Variants in NKAIN2 observed in about 807,000 individuals in gnomAD.
NKAIN2 encodes sodium/potassium transporting ATPase interacting 2, also known as sodium/potassium-transporting ATPase subunit beta-1-interacting protein 2.
NKAIN2 carries 14 observed loss-of-function variants against 32.6 expected under a neutral mutation model. The observed-to-expected ratio is 0.43, with a 90% CI of 0.28 to 0.67. The LOEUF (loss-of-function observed/expected upper bound fraction) is 0.67, where lower values mean the gene tolerates loss of function less well. Among genes scored for constraint, NKAIN2 ranks in the 30% least tolerant of loss-of-function variants. NKAIN2 has a pLI of 0.17. For synonymous variants in NKAIN2, 80 were observed against 87.2 expected (o/e 0.92, Z 0.46); for missense variants, 198 against 258.3 (o/e 0.77, Z 1.60).
chr6:124,746,578 T>A (rs1181938699), intron 4 of NKAIN2, among the ~76,000 whole-genome samples: 1 of 151,798 alleles, frequency 6.6e-6, no homozygotes, highest in African/African-American at 2.4e-5. Flanking sequence ...GAGATCTCAG[T>A]TTTAGAGGAA....
At chr6:123,975,459 CTTT>C (rs1246462705) in intron 1 of NKAIN2, among the ~76,000 whole-genome samples, 1 of 152,114 alleles carries the variant, frequency 6.6e-6, no homozygotes, top group African/African-American at 2.4e-5. Context: ...TAAAGAAATT[CTTT>C]TTAGAAAAGT....
chr6:124,438,382 C>T (rs575423240), intron 3 of NKAIN2, among the ~76,000 whole-genome samples: 1 of 152,230 alleles, frequency 6.6e-6, no homozygotes, highest in African/African-American at 2.4e-5. Context: ...AGAAGTCACT[C>T]TGGGTAATTC....
rs1332135277 is a variant in NKAIN2, at chr6:124,544,836, A to G, written c.274-113350A>G. ...AATGAGGCAATAGACCTAACTTTTT[A>G]AAAAATGCACTTTAAATTTTAGAAC... is the stretch of plus-strand genomic sequence containing the variant. On this transcript the variant is annotated intron_variant, in intron 3 of 6. Coordinates refer to ENST00000368417, the MANE Select transcript of NKAIN2 (RefSeq NM_001040214.3). 3.9e-5 allele frequency among the ~76,000 whole-genome samples: 6 copies of G among 152,304 alleles called. No individual in the cohort carries two copies. In the South Asian group the frequency reaches 1.2e-3, roughly 32 times the overall value.
chr6:124,719,982 C>A (rs1467996967), intron 4 of NKAIN2, among the ~76,000 whole-genome samples: 1 of 152,110 alleles, frequency 6.6e-6, no homozygotes, highest in Non-Finnish European at 1.5e-5. Flanking sequence ...GCCAATCATT[C>A]CCCAAAGAGA....
intron 3 of NKAIN2, among the ~76,000 whole-genome samples, chr6:124,521,910 A>G (rs1373278524): frequency 6.6e-6 from 1 of 152,134 alleles, no homozygotes; most frequent in Non-Finnish European, 1.5e-5. Flanking sequence ...ATATTTTCCT[A>G]TCCTTAAAAT....
intron 3 of NKAIN2, among the ~76,000 whole-genome samples, chr6:124,446,756 A>G (rs1775910200): frequency 6.6e-6 from 1 of 152,134 alleles, no homozygotes; most frequent in South Asian, 2.1e-4. Flanking sequence ...GTATGTGATA[A>G]TATCCAAACT....
chr6:124,773,395 T>A (rs1778849327), intron 4 of NKAIN2, among the ~76,000 whole-genome samples: 1 of 151,940 alleles, frequency 6.6e-6, no homozygotes, highest in Admixed American at 6.6e-5. Context: ...GGGAAAGGAA[T>A]GGTAGAATGG....
intron 2 of NKAIN2, among the ~76,000 whole-genome samples, chr6:124,327,427 T>C (rs925760108): frequency 6.6e-6 from 1 of 152,130 alleles, no homozygotes; most frequent in Non-Finnish European, 1.5e-5. Flanking sequence ...TAAATAATCA[T>C]ATAATCTATA....
At chr6:124,633,163 C>G (rs1285233755) in intron 3 of NKAIN2, among the ~76,000 whole-genome samples, 2 of 152,092 alleles carry the variant, frequency 1.3e-5, no homozygotes, top group Non-Finnish European at 2.9e-5. Flanking sequence ...CAAGAAAGTA[C>G]AGTGGGAAGT....
At chr6:124,525,272 T>A (rs1779268459) in intron 3 of NKAIN2, among the ~76,000 whole-genome samples, 1 of 152,180 alleles carries the variant, frequency 6.6e-6, no homozygotes. Flanking sequence ...ACTGTCTATC[T>A]TATATAGGCA....
chr6:124,501,847 G>C (rs1295772965), intron 3 of NKAIN2, among the ~76,000 whole-genome samples: 2 of 151,912 alleles, frequency 1.3e-5, no homozygotes, highest in Non-Finnish European at 1.5e-5. Flanking sequence ...TCTTTGTCTA[G>C]TGTGCATATT....
chr6:124,320,008 T>C (rs1797110008), intron 2 of NKAIN2, among the ~76,000 whole-genome samples: 1 of 152,146 alleles, frequency 6.6e-6, no homozygotes, highest in Non-Finnish European at 1.5e-5. Context: ...TGTTACACTT[T>C]CACTGTGGGA....
At chr6:124,184,980 C>A (rs1473878988) in intron 1 of NKAIN2, among the ~76,000 whole-genome samples, 1 of 152,026 alleles carries the variant, frequency 6.6e-6, no homozygotes, top group Non-Finnish European at 1.5e-5. Context: ...CAAATGGAAA[C>A]ATTTTCTTCA....
intron 3 of NKAIN2, among the ~76,000 whole-genome samples, chr6:124,509,437 G>C (rs1778625487): frequency 6.6e-6 from 1 of 152,158 alleles, no homozygotes; most frequent in South Asian, 2.1e-4. Context: ...ATCAGTATTA[G>C]TAATAGACTG....
chr6:124,106,934 C>T (rs529667576), intron 1 of NKAIN2, among the ~76,000 whole-genome samples: 35 of 152,024 alleles, frequency 2.3e-4, no homozygotes, highest in Non-Finnish European at 4.9e-4. Context: ...AAACATATAC[C>T]ATATTAGAGA....
At chr6:124,628,121 C>A (rs1039195905) in intron 3 of NKAIN2, among the ~76,000 whole-genome samples, 1 of 152,172 alleles carries the variant, frequency 6.6e-6, no homozygotes, top group Non-Finnish European at 1.5e-5. Context: ...CTTCTGTATT[C>A]CTTTGTTCAT....
At chr6:124,744,722 C>CA (rs1236797887) in intron 4 of NKAIN2, among the ~76,000 whole-genome samples, 1 of 151,730 alleles carries the variant, frequency 6.6e-6, no homozygotes, top group Non-Finnish European at 1.5e-5. Flanking sequence ...AATGGTGATG[C>CA]AAGTTCTTTG....
chr6:124,041,129 T>C (rs1195959437), intron 1 of NKAIN2, among the ~76,000 whole-genome samples: 2 of 152,096 alleles, frequency 1.3e-5, no homozygotes, highest in African/African-American at 4.8e-5. Flanking sequence ...GATTGAGCCA[T>C]AATTGTTATG....
intron 3 of NKAIN2, among the ~76,000 whole-genome samples, chr6:124,410,361 T>C (rs1288096832): frequency 6.6e-6 from 1 of 152,234 alleles, no homozygotes; most frequent in Non-Finnish European, 1.5e-5. Context: ...CACACTGCTT[T>C]GAATGTGTCC....
Sources: allele counts gnomAD v4.1 joint callset (sites outside exome capture counted in the v4.1 genomes callset), GRCh38; gene constraint gnomAD v4.1.1; transcripts MANE v1.5; gene names NCBI Gene and HGNC (gene_info 2026-07-23, HGNC 2026-07-21).